The following CCDC7 variants were observed in gnomAD, a reference collection of about 807,000 sequenced individuals.
The protein encoded by CCDC7 is coiled-coil domain containing 7, also known as coiled-coil domain-containing protein 7.
Under a neutral mutation model 196.9 loss-of-function variants are expected in CCDC7, and 183 were observed. The observed-to-expected ratio is 0.93, with a 90% CI of 0.82 to 1.05. The LOEUF is 1.05. Among genes scored for constraint, CCDC7 ranks in the 50% least tolerant of loss-of-function variants. The probability of loss-of-function intolerance (pLI) is 0.00; values close to 1 mark genes in which losing one functional copy is unlikely to be tolerated. For synonymous variants in CCDC7, 525 were observed against 484.6 expected (o/e 1.08, Z -1.10); for missense variants, 1,540 against 1,482.2 (o/e 1.04, Z -0.64).
chr10:32,649,154 G>C (rs1302108213), intron 20 of CCDC7, among the ~76,000 whole-genome samples: 1 of 152,164 alleles, frequency 6.6e-6, no homozygotes, highest in African/African-American at 2.4e-5. Flanking sequence ...CTGGGCACCT[G>C]TGGGAGTTGT....
At chr10:32,503,380 T>C (rs1462328666) in intron 9 of CCDC7, among the ~76,000 whole-genome samples, 1 of 152,190 alleles carries the variant, frequency 6.6e-6, no homozygotes, top group Middle Eastern at 3.2e-3. Flanking sequence ...GTCAAATGCT[T>C]TTTCTGCATC....
chr10:32,642,314 A>T (rs1358465306), intron 20 of CCDC7, among the ~76,000 whole-genome samples: 1 of 152,158 alleles, frequency 6.6e-6, no homozygotes, highest in Non-Finnish European at 1.5e-5. Context: ...TGAGTTTCCC[A>T]GCCGCTTTGT....
At chr10:32,674,024 G>A (rs2140855109) in intron 21 of CCDC7, among the ~76,000 whole-genome samples, 1 of 151,410 alleles carries the variant, frequency 6.6e-6, no homozygotes, top group Non-Finnish European at 1.5e-5. Context: ...CTAGCTAATA[G>A]TGTGTCAATT....
chr10:32,802,128 G>T (rs761601362), intron 29 of CCDC7, among the ~76,000 whole-genome samples: 1 of 152,086 alleles, frequency 6.6e-6, no homozygotes, highest in African/African-American at 2.4e-5. Context: ...CTCACTTAGG[G>T]CAACCTTAGA....
At chr10:32,483,389 A>T (rs1297309270) in intron 8 of CCDC7, among the ~76,000 whole-genome samples, 1 of 152,062 alleles carries the variant, frequency 6.6e-6, no homozygotes, top group Non-Finnish European at 1.5e-5. Context: ...TAGATTCTGG[A>T]TATTAGCCCT....
intron 3 of CCDC7, among the ~76,000 whole-genome samples, chr10:32,457,726 A>G (rs1164242247): frequency 1.3e-5 from 2 of 152,074 alleles, no homozygotes; most frequent in African/African-American, 4.8e-5. Flanking sequence ...TAGCCATTCT[A>G]ACTGAGGTGA....
At chr10:32,730,586 C>A in intron 28 of CCDC7, among the ~76,000 whole-genome samples, 1 of 150,654 alleles carries the variant, frequency 6.6e-6, no homozygotes, top group Admixed American at 6.6e-5. Flanking sequence ...TATTTAATAC[C>A]CATGTATATA....
At chr10:32,636,971 G>C (rs1046679757) in intron 20 of CCDC7, among the ~76,000 whole-genome samples, 2 of 152,142 alleles carry the variant, frequency 1.3e-5, no homozygotes, top group African/African-American at 4.8e-5. Context: ...GCATTTCTCT[G>C]ATGGCCAGTG....
At chr10:32,760,435 G>A (rs528738850) in intron 28 of CCDC7, among the ~76,000 whole-genome samples, 2 of 152,088 alleles carry the variant, frequency 1.3e-5, no homozygotes, top group South Asian at 4.2e-4. Flanking sequence ...ATGAGTTCAT[G>A]TCCTTTGTAG....
At chr10:32,649,668 C>T (rs1270899594) in intron 20 of CCDC7, among the ~76,000 whole-genome samples, 1 of 152,124 alleles carries the variant, frequency 6.6e-6, no homozygotes, top group Non-Finnish European at 1.5e-5. Context: ...TTAATTTTGC[C>T]TTCTTACATA....
chr10:32,655,350 T>C (rs1297562189), intron 20 of CCDC7, among the ~76,000 whole-genome samples: 2 of 152,176 alleles, frequency 1.3e-5, no homozygotes, highest in African/African-American at 4.8e-5. Flanking sequence ...GCACCAACAA[T>C]TATACAAGGG....
At chr10:32,553,142 G>C (rs1055386975) in intron 13 of CCDC7, among the ~76,000 whole-genome samples, 13 of 137,028 alleles carry the variant, frequency 9.5e-5, no homozygotes, top group African/African-American at 3.3e-4. Context: ...TATCTTTGTT[G>C]AATTGGGTTA....
chr10:32,591,590 TC>T (rs57753456), intron 18 of CCDC7, among the ~76,000 whole-genome samples: 20,317 of 152,016 alleles, frequency 0.13, 1,605 homozygotes, highest in African/African-American at 0.22. Context: ...TAACCTCAAA[TC>T]TAAAAATATA....
intron 31 of CCDC7, among the ~76,000 whole-genome samples, chr10:32,816,397 T>A (rs1415296280): frequency 6.6e-6 from 1 of 152,188 alleles, no homozygotes; most frequent in Non-Finnish European, 1.5e-5. Flanking sequence ...CTCTGTAGAC[T>A]CCACCTCTGG....
At chr10:32,488,340 G>A (rs2990977) in intron 8 of CCDC7, among the ~76,000 whole-genome samples, 120,226 of 152,114 alleles carry the variant, frequency 0.79, 49,292 homozygotes, top group Non-Finnish European at 0.9. Context: ...GGAAAAGCGC[G>A]GTATTAGGGT....
Position 32,572,287 on chromosome 10 carries a change from A to G in CCDC7, c.1454+394A>G, listed in dbSNP as rs981330386. Among the ~76,000 whole-genome samples, 10 of 152,266 alleles carry G rather than the reference A, an allele frequency of 6.6e-5. No homozygotes were observed. In the East Asian group the frequency reaches 9.6e-4, roughly 15 times the overall value. On this transcript the variant is annotated intron_variant, in intron 16 of 41. Coordinates refer to ENST00000639629, the Ensembl canonical transcript of CCDC7. The stretch of plus-strand genomic sequence containing the variant: ...TTTAACTCAGTTACTATATGCACAC[A>G]TATGTATGTACATGCATACACATAA...
chr10:32,847,940 A>G, intron 38 of CCDC7, 24 bp downstream of exon 39: 1 of 1,422,868 alleles, frequency 7.0e-7, no homozygotes, highest in East Asian at 2.3e-5. Flanking sequence ...TTTTAAGTCT[A>G]ATATTTACAG....
chr10:32,592,935 A>G (rs1590265938), intron 18 of CCDC7, among the ~76,000 whole-genome samples: 1 of 151,840 alleles, frequency 6.6e-6, no homozygotes, highest in Non-Finnish European at 1.5e-5. Context: ...ACATTTTCTT[A>G]ATCCAGTCTG....
intron 25 of CCDC7, among the ~76,000 whole-genome samples, chr10:32,719,880 A>G (rs184002612): frequency 5.3e-5 from 8 of 152,300 alleles, no homozygotes; most frequent in Admixed American, 3.3e-4. Context: ...CAGATGCTGG[A>G]GAGGATGTGG....
Sources: allele counts gnomAD v4.1 joint callset (sites outside exome capture counted in the v4.1 genomes callset), GRCh38; gene constraint gnomAD v4.1.1; transcripts MANE v1.5; gene names NCBI Gene and HGNC (gene_info 2026-07-23, HGNC 2026-07-21).